Variants in HERC4 observed in about 807,000 individuals in gnomAD.
The protein encoded by HERC4 is HECT and RLD domain containing E3 ubiquitin protein ligase 4.
In HERC4, 28 loss-of-function variants were observed where a neutral mutation model predicts 124.3. The observed-to-expected ratio is 0.23, with a 90% confidence interval of 0.17 to 0.31. The LOEUF (loss-of-function observed/expected upper bound fraction) is 0.31, where lower values mean the gene tolerates loss of function less well. Ranked by LOEUF, HERC4 falls within the 10% of genes least tolerant of loss-of-function variation. HERC4 has a pLI of 1.00. For missense variants in HERC4, 713 were observed against 1,229.3 expected, an observed-to-expected ratio of 0.58 and a Z score of 6.28; for synonymous variants, 407 against 421.5, an observed-to-expected ratio of 0.97 and a Z score of 0.42.
intron 15 of HERC4, among the ~76,000 whole-genome samples, chr10:67,976,569 A>C (rs138006662): frequency 6.6e-6 from 1 of 152,110 alleles, no homozygotes; most frequent in East Asian, 1.9e-4. Flanking sequence ...AACTATCTAC[A>C]CAAAAAAAGC....
At chr10:68,040,279 G>A (rs2039693921) in intron 4 of HERC4, 2 of 980,724 alleles carry the variant, frequency 2.0e-6, no homozygotes, top group African/African-American at 1.7e-5. Flanking sequence ...ATATGCTACA[G>A]AGACCAGAAG....
At chr10:68,018,582 C>T (rs965972048) in intron 8 of HERC4, among the ~76,000 whole-genome samples, 5 of 151,990 alleles carry the variant, frequency 3.3e-5, no homozygotes, top group Admixed American at 1.3e-4. Context: ...GGTATGACTA[C>T]GTACATGAGT....
chr10:68,008,687 A>G (rs2037740474), intron 9 of HERC4, among the ~76,000 whole-genome samples: 1 of 152,228 alleles, frequency 6.6e-6, no homozygotes, highest in South Asian at 2.1e-4. Context: ...ATATACCCAA[A>G]AGAACTGAAA....
chr10:67,997,830 T>C (rs566380705), intron 9 of HERC4, among the ~76,000 whole-genome samples: 3 of 152,164 alleles, frequency 2.0e-5, no homozygotes, highest in Non-Finnish European at 2.9e-5. Context: ...GGAAGAAACA[T>C]AGTCGGCCCT....
intron 16 of HERC4, chr10:67,965,055 A>C (rs1285042242): frequency 6.6e-6 from 1 of 152,386 alleles, no homozygotes; most frequent in Non-Finnish European, 1.5e-5. Flanking sequence ...TCCAGGCGTG[A>C]GCCACCACAC....
At chr10:67,968,173 C>G (rs2035004243) in intron 15 of HERC4, among the ~76,000 whole-genome samples, 1 of 152,042 alleles carries the variant, frequency 6.6e-6, no homozygotes, top group African/African-American at 2.4e-5. Flanking sequence ...GCCAGCACAG[C>G]CAGACAGTGA....
chr10:67,964,924 C>G (rs1007492177), intron 16 of HERC4: 2 of 152,340 alleles, frequency 1.3e-5, no homozygotes, highest in Admixed American at 6.6e-5. Flanking sequence ...AGGCGCCCAC[C>G]ACCATGCCTG....
intron 15 of HERC4, among the ~76,000 whole-genome samples, chr10:67,980,413 A>G (rs1042135162): frequency 3.9e-5 from 6 of 152,162 alleles, no homozygotes; most frequent in Non-Finnish European, 8.8e-5. Flanking sequence ...GATTACAGCC[A>G]TGAGCCACCG....
At chr10:68,018,993 CTTTTTTT>C (rs35817479) in intron 8 of HERC4, among the ~76,000 whole-genome samples, 7 of 88,016 alleles carry the variant, frequency 8.0e-5, no homozygotes, top group Admixed American at 1.4e-4. Flanking sequence ...AGCATTCTTT[CTTTTTTT>C]TTTTTTTTTT....
chr10:67,935,050 T>C (rs1033565954), intron 22 of HERC4, among the ~76,000 whole-genome samples: 1 of 152,202 alleles, frequency 6.6e-6, no homozygotes, highest in Non-Finnish European at 1.5e-5. Context: ...CTCTGAAGTT[T>C]TGTCCTTCAA....
At chr10:67,995,596 C>T in intron 9 of HERC4, among the ~76,000 whole-genome samples, 1 of 149,150 alleles carries the variant, frequency 6.7e-6, no homozygotes. Flanking sequence ...TATGTATGGA[C>T]ACTTTAGATA....
At chr10:67,959,379 T>C (rs1425133846) in intron 16 of HERC4, among the ~76,000 whole-genome samples, 1 of 152,074 alleles carries the variant, frequency 6.6e-6, no homozygotes, top group African/African-American at 2.4e-5. Flanking sequence ...TTGAACATAA[T>C]GAAATTTGTT....
chr10:67,952,129 T>G (rs1391918518), intron 19 of HERC4, among the ~76,000 whole-genome samples: 2 of 152,048 alleles, frequency 1.3e-5, no homozygotes, highest in African/African-American at 4.8e-5. Flanking sequence ...CCGTCACAAT[T>G]TATTTATTTG....
At position 68,059,218 on chromosome 10, in the gene HERC4, C is replaced by T. The variant is rs556769337; in HGVS notation, c.226+13665G>A. ...ATGAACTTGAGTATATATTTGTCTACTTCCCTCAAAAGCCATTTGACATTT... is the reference window on the plus strand; with the variant it reads ...ATGAACTTGAGTATATATTTGTCTATTTCCCTCAAAAGCCATTTGACATTT... On this transcript the variant is annotated intron_variant, in intron 3 of 24. Coordinates refer to ENST00000373700, the MANE Select transcript of HERC4 (RefSeq NM_015601.4). 5.3e-5 allele frequency among the ~76,000 whole-genome samples: 8 copies of T among 151,654 alleles called. 1 individual carries two copies. In the South Asian group the frequency reaches 1.7e-3, roughly 32 times the overall value.
At chr10:68,057,096 A>C (rs1186929545) in intron 3 of HERC4, among the ~76,000 whole-genome samples, 1 of 152,198 alleles carries the variant, frequency 6.6e-6, no homozygotes, top group Admixed American at 6.5e-5. Context: ...ATACAATTTC[A>C]AACATCCATG....
intron 4 of HERC4, among the ~76,000 whole-genome samples, chr10:68,044,124 A>G (rs2039904899): frequency 6.6e-6 from 1 of 152,122 alleles, no homozygotes; most frequent in Non-Finnish European, 1.5e-5. Flanking sequence ...AATTAGTATA[A>G]CCCACTAAAA....
chr10:68,029,951 G>A (rs984708352), intron 7 of HERC4, among the ~76,000 whole-genome samples: 3 of 151,078 alleles, frequency 2.0e-5, no homozygotes, highest in Admixed American at 6.6e-5. Flanking sequence ...CGTTGGCCAG[G>A]ATGGTCTCGA....
intron 9 of HERC4, chr10:67,994,751 C>T (rs2036762073): frequency 6.6e-6 from 1 of 150,740 alleles, no homozygotes; most frequent in South Asian, 2.1e-4. Context: ...TTTTTTGAGA[C>T]AGGTCTCACT....
intron 3 of HERC4, chr10:68,068,854 A>C (rs907178747): frequency 3.7e-5 from 6 of 161,840 alleles, no homozygotes; most frequent in Admixed American, 3.3e-4. Flanking sequence ...TTAGTCTCTT[A>C]ATCTCTTTTA....
Sources: allele counts gnomAD v4.1 joint callset (sites outside exome capture counted in the v4.1 genomes callset), GRCh38; gene constraint gnomAD v4.1.1; transcripts MANE v1.5; gene names NCBI Gene and HGNC (gene_info 2026-07-23, HGNC 2026-07-21).